The following ERC2 variants were observed in gnomAD, a reference collection of about 807,000 sequenced individuals.
The protein encoded by ERC2 is ERC protein 2.
ERC2 carries 42 observed loss-of-function variants against 114.8 expected under a neutral mutation model. That is an observed-to-expected ratio of 0.37 (90% CI 0.29 to 0.47). ERC2 has a LOEUF of 0.47. Ranked by LOEUF, ERC2 falls within the 20% of genes least tolerant of loss-of-function variation. The pLI is 0.99. For missense variants in ERC2, 939 were observed against 1,150.7 expected (o/e 0.82, Z 2.66); for synonymous variants, 454 against 425.5 (o/e 1.07, Z -0.82).
intron 14 of ERC2, among the ~76,000 whole-genome samples, chr3:55,835,205 C>G (rs563169779): frequency 8.5e-5 from 13 of 152,134 alleles, no homozygotes; most frequent in Non-Finnish European, 1.9e-4. Context: ...CCTTCTGAAA[C>G]TATTCCAACG....
intron 17 of ERC2, among the ~76,000 whole-genome samples, chr3:55,639,452 C>T (rs1455600892): frequency 2.0e-5 from 3 of 151,654 alleles, no homozygotes; most frequent in Non-Finnish European, 4.4e-5. Flanking sequence ...GCCTGGGGAG[C>T]CTACAGGAGG....
rs117574774 is a variant in ERC2, at chr3:55,959,855, A to G, written c.2268-9295T>C. On this transcript the variant is annotated intron_variant, in intron 12 of 17. Transcript: ENST00000288221. Reference sequence around the variant, plus strand: ...TATATGCTCCGGATTCCTGGTCCACATGGTCAAAGCTGGTGGCAGATGCAC... The same window carrying G: ...TATATGCTCCGGATTCCTGGTCCACGTGGTCAAAGCTGGTGGCAGATGCAC... Among the ~76,000 whole-genome samples the G allele has an allele frequency of 5.3e-5, 8 of 152,310 alleles. No individual in the cohort carries two copies. The East Asian group carries it at 9.7e-4, about 18-fold the overall frequency.
At chr3:55,636,036 C>G (rs1215914042) in intron 17 of ERC2, among the ~76,000 whole-genome samples, 1 of 151,684 alleles carries the variant, frequency 6.6e-6, no homozygotes, top group African/African-American at 2.4e-5. Context: ...CCACCATGCC[C>G]GGCTAATTTT....
intron 12 of ERC2, among the ~76,000 whole-genome samples, chr3:55,952,173 ACACACACTCT>A (rs1286580478): frequency 0.015 from 830 of 55,958 alleles, 21 homozygotes; most frequent in Non-Finnish European, 0.024. Context: ...ACACACACAC[ACACACACTCT>A]CTCTCTCTCT....
chr3:55,941,775 T>C (rs972288985), intron 13 of ERC2, among the ~76,000 whole-genome samples: 5 of 152,190 alleles, frequency 3.3e-5, no homozygotes, highest in African/African-American at 1.2e-4. Flanking sequence ...GGCAAAGATA[T>C]AAATAACTTA....
At chr3:56,420,896 C>CAA (rs747377493) in intron 2 of ERC2, among the ~76,000 whole-genome samples, 1 of 109,262 alleles carries the variant, frequency 9.2e-6, no homozygotes, top group Non-Finnish European at 1.9e-5. Flanking sequence ...GACTCCGTCT[C>CAA]AAAAAAAAAA....
chr3:55,568,112 T>C (rs2056486720), intron 17 of ERC2, among the ~76,000 whole-genome samples: 1 of 152,234 alleles, frequency 6.6e-6, no homozygotes, highest in African/African-American at 2.4e-5. Context: ...TATATTCTGC[T>C]CATTACAAGT....
At chr3:55,753,802 CAAT>C (rs1423512012) in intron 14 of ERC2, among the ~76,000 whole-genome samples, 2 of 152,194 alleles carry the variant, frequency 1.3e-5, no homozygotes, top group Non-Finnish European at 2.9e-5. Flanking sequence ...TAAACTTAAA[CAAT>C]GATCAGTTTT....
chr3:55,999,448 C>G (rs1191683594), intron 10 of ERC2, among the ~76,000 whole-genome samples: 1 of 152,050 alleles, frequency 6.6e-6, no homozygotes, highest in East Asian at 1.9e-4. Context: ...CTTGTTTACT[C>G]TGACATAGTG....
intron 3 of ERC2, among the ~76,000 whole-genome samples, chr3:56,293,207 A>C (rs1366358498): frequency 6.6e-6 from 1 of 152,230 alleles, no homozygotes; most frequent in Non-Finnish European, 1.5e-5. Flanking sequence ...TGACACATAC[A>C]GATGCTATTT....
At chr3:55,835,509 T>G (rs1414021168) in intron 14 of ERC2, among the ~76,000 whole-genome samples, 1 of 152,168 alleles carries the variant, frequency 6.6e-6, no homozygotes, top group Non-Finnish European at 1.5e-5. Flanking sequence ...AACCACATGA[T>G]TATCTCAATA....
At chr3:55,751,863 T>C (rs887644090) in intron 14 of ERC2, among the ~76,000 whole-genome samples, 40 of 152,178 alleles carry the variant, frequency 2.6e-4, no homozygotes, top group African/African-American at 8.9e-4. Context: ...CATGCTTTGG[T>C]TGGGTTTATT....
intron 15 of ERC2, among the ~76,000 whole-genome samples, chr3:55,720,346 C>T (rs1333205297): frequency 2.2e-5 from 3 of 135,262 alleles, no homozygotes; most frequent in South Asian, 3.0e-4. Context: ...AGTGCAGTGA[C>T]GCAACCATGG....
At chr3:56,096,669 T>C (rs1303568332) in intron 6 of ERC2, among the ~76,000 whole-genome samples, 1 of 152,226 alleles carries the variant, frequency 6.6e-6, no homozygotes, top group Non-Finnish European at 1.5e-5. Flanking sequence ...CACTTATACA[T>C]GTAAGGCGTT....
intron 14 of ERC2, among the ~76,000 whole-genome samples, chr3:55,821,947 A>G (rs1398325710): frequency 6.6e-6 from 1 of 152,240 alleles, no homozygotes; most frequent in Admixed American, 6.5e-5. Context: ...AGGTGTGTTC[A>G]TGCTATGCTC....
At chr3:56,431,698 T>C (rs2061797597) in intron 2 of ERC2, among the ~76,000 whole-genome samples, 3 of 152,224 alleles carry the variant, frequency 2.0e-5, no homozygotes. Flanking sequence ...TTGTTTTTTG[T>C]CAATCTTTAT....
At chr3:55,874,349 T>A (rs576418332) in intron 14 of ERC2, among the ~76,000 whole-genome samples, 108 of 152,262 alleles carry the variant, frequency 7.1e-4, no homozygotes, top group Non-Finnish European at 1.2e-3. Flanking sequence ...AAACTGAGAC[T>A]GGCTCTGGCA....
intron 3 of ERC2, among the ~76,000 whole-genome samples, chr3:56,264,767 T>TA (rs1161008780): frequency 2.7e-5 from 3 of 111,302 alleles, no homozygotes; most frequent in Non-Finnish European, 3.9e-5. Flanking sequence ...AGTTGCAAGA[T>TA]AAAAAAAATC....
chr3:55,734,761 G>A lies in ERC2; in HGVS notation c.2712+10C>T. The A allele has an allele frequency of 2.5e-6, 4 of 1,601,492 alleles. No individual in the cohort carries two copies. Among genetic ancestry groups the A allele is most frequent in the Middle Eastern group, 1.7e-4 (1 of 5,994 alleles). ...CCAGAAAAACACACCTGTCTTGCAG[G>A]AGGCCCCACCTGCTGCTTTAATTGA... is the stretch of plus-strand genomic sequence containing the variant. On this transcript the variant is annotated intron_variant, in intron 15 of 17. Coordinates refer to ENST00000288221, the MANE Select transcript of ERC2 (RefSeq NM_015576.3).
Sources: allele counts gnomAD v4.1 joint callset (sites outside exome capture counted in the v4.1 genomes callset), GRCh38; gene constraint gnomAD v4.1.1; transcripts MANE v1.5; gene names NCBI Gene and HGNC (gene_info 2026-07-23, HGNC 2026-07-21).